The following TCEA1 variants were observed in gnomAD, a reference collection of about 807,000 sequenced individuals.
The protein encoded by TCEA1 is transcription elongation factor A1, also known as transcription elongation factor A protein 1.
A neutral mutation model predicts 43.8 loss-of-function variants in TCEA1; 21 were observed. That is an observed-to-expected ratio of 0.48 (90% confidence interval 0.34 to 0.69). The LOEUF (loss-of-function observed/expected upper bound fraction) is 0.69. Among genes scored for constraint, TCEA1 ranks in the 30% least tolerant of loss-of-function variants. The pLI is 0.01. For synonymous variants in TCEA1, 104 were observed against 117.5 expected (o/e 0.88, Z 0.75); for missense variants, 250 against 365.1 (o/e 0.68, Z 2.57).
intron 1 of TCEA1, among the ~76,000 whole-genome samples, chr8:54,010,811 A>G (rs888029919): frequency 1.3e-4 from 20 of 150,928 alleles, no homozygotes; most frequent in Admixed American, 5.2e-4. Context: ...GTGTTTTATT[A>G]TAACTTTTTT....
chr8:54,010,613 C>T, intron 1 of TCEA1, 121 bp from the exon 2 acceptor site: 2 of 681,274 alleles, frequency 2.9e-6, no homozygotes. Flanking sequence ...AGATAAGGAG[C>T]AACAGCACCA....
chr8:53,984,521 C>T lies in TCEA1; in HGVS notation c.524-4G>A, dbSNP rs533028372. ...TTCCTTATTTCTTGATATATAGGTA[C>T]CAGGCCGTTAAGGAAAAAAGGCAAA... On this transcript the variant is annotated splice_region_variant and splice_polypyrimidine_tract_variant and intron_variant, in intron 6 of 9. Transcript: ENST00000521604. 6.4e-7 allele frequency: 1 copy of T among 1,551,800 alleles called. No individual in the cohort carries two copies. The highest frequency in any genetic ancestry group is 1.2e-5 in the South Asian group (1 of 81,902).
intron 2 of TCEA1, among the ~76,000 whole-genome samples, chr8:54,004,225 C>G (rs1005427965): frequency 2.0e-5 from 3 of 152,128 alleles, no homozygotes; most frequent in African/African-American, 7.2e-5. Context: ...AAGAGTCTGG[C>G]AGGTCCTCAA....
At chr8:54,018,787 A>T (rs1057082463) in intron 1 of TCEA1, among the ~76,000 whole-genome samples, 1 of 152,190 alleles carries the variant, frequency 6.6e-6, no homozygotes, top group African/African-American at 2.4e-5. Flanking sequence ...AACTAGGGAA[A>T]CACACCTGCC....
intron 1 of TCEA1, among the ~76,000 whole-genome samples, chr8:54,020,000 T>C (rs942676124): frequency 6.6e-6 from 1 of 152,226 alleles, no homozygotes; most frequent in African/African-American, 2.4e-5. Context: ...TCCAGACTCA[T>C]TACAAAAGAT....
At chr8:53,974,561 C>T (rs1803270023) in intron 8 of TCEA1, among the ~76,000 whole-genome samples, 1 of 151,584 alleles carries the variant, frequency 6.6e-6, no homozygotes, top group African/African-American at 2.4e-5. Context: ...GAGTTTCATT[C>T]TTGTCACCCA....
chr8:54,022,105 G>A lies in TCEA1; in HGVS notation c.21C>T (p.Arg7=). MEDEVV[R]FAKKMDKMVQ... ...CCATCTTGTCCATCTTCTTGGCAAA[G>A]CGGACCACTTCGTCCTCCATGGCTC... is the stretch of plus-strand genomic sequence containing the variant. The change falls in exon 1 of 10, where the codon CGC becomes CGT. Residue 7 remains arginine (R), a synonymous_variant. Transcript: ENST00000521604. 3.1e-6 allele frequency: 5 copies of A among 1,593,066 alleles called. No homozygotes were observed. Among genetic ancestry groups the A allele is most frequent in the South Asian group, 1.1e-5 (1 of 90,256 alleles).
In TCEA1 at chr8:54,020,550, G is replaced by C. The variant is rs948298290; in HGVS notation, c.63+1513C>G. Among the ~76,000 whole-genome samples the C allele has an allele frequency of 4.8e-4, 73 of 152,336 alleles. 1 individual carries two copies. Among genetic ancestry groups the C allele is most frequent in the Middle Eastern group, 6.8e-3 (2 of 294 alleles). ...AGTGTTAACACTAATTCCTGATCTA[G>C]CTGTCATGTGGAAAGCATGCTGTCC... On this transcript the variant is annotated intron_variant, in intron 1 of 9. Coordinates refer to ENST00000521604, the MANE Select transcript of TCEA1 (RefSeq NM_006756.4).
chr8:53,998,364 G>T (rs1182946388), intron 3 of TCEA1, among the ~76,000 whole-genome samples: 1 of 152,026 alleles, frequency 6.6e-6, no homozygotes, highest in Non-Finnish European at 1.5e-5. Context: ...GTAATTTTCT[G>T]TGAGTCACTT....
At chr8:53,980,277 T>C (rs1318074101) in intron 7 of TCEA1, among the ~76,000 whole-genome samples, 2 of 152,236 alleles carry the variant, frequency 1.3e-5, no homozygotes, top group African/African-American at 2.4e-5. Flanking sequence ...GTATAGAATA[T>C]GCCAGGGTCA....
chr8:53,989,364 T>A (rs545559256), intron 4 of TCEA1, among the ~76,000 whole-genome samples: 1 of 152,314 alleles, frequency 6.6e-6, no homozygotes, highest in African/African-American at 2.4e-5. Flanking sequence ...ACAGCTGCCA[T>A]AACCCTTTTC....
At chr8:53,978,326 A>G (rs1016385903) in intron 8 of TCEA1, among the ~76,000 whole-genome samples, 7 of 152,226 alleles carry the variant, frequency 4.6e-5, no homozygotes, top group African/African-American at 1.7e-4. Flanking sequence ...CCAGTTATCC[A>G]TGGTTTTGCT....
chr8:53,972,178 A>G (rs1702921307), intron 8 of TCEA1: 2 of 315,868 alleles, frequency 6.3e-6, no homozygotes, highest in Admixed American at 9.3e-5. Context: ...AAAATGTTTG[A>G]CAAAGATGCT....
intron 5 of TCEA1, among the ~76,000 whole-genome samples, chr8:53,987,307 T>C (rs1803719652): frequency 1.3e-5 from 2 of 152,228 alleles, no homozygotes; most frequent in Non-Finnish European, 2.9e-5. Context: ...ACTCCATAAA[T>C]TCTGGCTGCT....
chr8:54,002,001 C>A (rs1438434874), intron 2 of TCEA1, among the ~76,000 whole-genome samples: 3 of 147,616 alleles, frequency 2.0e-5, no homozygotes, highest in Non-Finnish European at 4.4e-5. Flanking sequence ...AAAAAACAAA[C>A]AAACAAACAA....
At chr8:53,976,874 G>A (rs1461261804) in intron 8 of TCEA1, among the ~76,000 whole-genome samples, 1 of 152,050 alleles carries the variant, frequency 6.6e-6, no homozygotes, top group Non-Finnish European at 1.5e-5. Flanking sequence ...AATGAAACAT[G>A]GAAATACACA....
In TCEA1 at chr8:54,016,811, T is replaced by C. The variant is rs568060999; in HGVS notation, c.63+5252A>G. 1.5e-4 allele frequency among the ~76,000 whole-genome samples: 23 copies of C among 151,400 alleles called. No individual in the cohort carries two copies. The South Asian group carries it at 4.6e-3, about 30-fold the overall frequency. On this transcript the variant is annotated intron_variant, in intron 1 of 9. Coordinates refer to ENST00000521604, the MANE Select transcript of TCEA1 (RefSeq NM_006756.4). The stretch of plus-strand genomic sequence containing the variant: ...CAATATGGTGAAACCCCATCTCTAC[T>C]AAAAATACAAAAATTAGCCGGGTGT...
intron 2 of TCEA1, among the ~76,000 whole-genome samples, chr8:54,004,412 A>G (rs1241165732): frequency 1.3e-5 from 2 of 152,268 alleles, no homozygotes; most frequent in Non-Finnish European, 2.9e-5. Context: ...AACATGTGAA[A>G]TATCCATGCA....
At chr8:53,985,628 C>T (rs950474758) in intron 6 of TCEA1, among the ~76,000 whole-genome samples, 3 of 152,132 alleles carry the variant, frequency 2.0e-5, no homozygotes, top group Admixed American at 2.0e-4. Context: ...AAAGCTGAAC[C>T]CTGGAACAGC....
Sources: gnomAD v4.1 joint callset for allele counts (sites outside exome capture counted in the v4.1 genomes callset) on GRCh38, gnomAD v4.1.1 for gene constraint, MANE v1.5 for transcripts, NCBI Gene and HGNC (gene_info 2026-07-23, HGNC 2026-07-21) for gene names.